The following NFILZ variants were observed in gnomAD, a reference collection of about 807,000 sequenced individuals.
NFILZ encodes the protein NFIL3 like basic leucine zipper.
chr19:8,632,796 C>T (rs1555745690), intron 2 of NFILZ, among the ~76,000 whole-genome samples, 171 bp downstream of exon 2: 1 of 147,974 alleles, frequency 6.8e-6, no homozygotes. Context: ...GATCTTGGCT[C>T]ACTGCAACCT....
In NFILZ at chr19:8,681,013, G is replaced by A. The variant is rs1449534037; in HGVS notation, c.*3378G>A. On this transcript the variant is annotated 3_prime_UTR_variant, in exon 6 of 6. Transcript: ENST00000691075. ...GGTTGTGGAGGACTTTGTGGGCCAA[G>A]GTGAGGACTTTGGCTTCCTTTCTGA... 6.6e-6 allele frequency among the ~76,000 whole-genome samples: 1 copy of A among 152,016 alleles called. No homozygotes were observed. Among genetic ancestry groups the A allele is most frequent in the Non-Finnish European group, 1.5e-5 (1 of 67,994 alleles).
chr19:8,674,644 G>A (rs1555750563), intron 4 of NFILZ, among the ~76,000 whole-genome samples, 44 bp downstream of exon 4: 4 of 151,926 alleles, frequency 2.6e-5, no homozygotes, highest in Admixed American at 6.6e-5. Flanking sequence ...TTTTCTGAGG[G>A]CGCGTCATCT....
intron 2 of NFILZ, among the ~76,000 whole-genome samples, chr19:8,634,891 AAACAAACAAAC>A (rs1209750123): frequency 1.0e-4 from 15 of 148,066 alleles, no homozygotes; most frequent in Admixed American, 4.7e-4. Flanking sequence ...ACAAACAAAC[AAACAAACAAAC>A]AAAAAAACAA....
intron 3 of NFILZ, among the ~76,000 whole-genome samples, chr19:8,667,231 T>C (rs972772347): frequency 6.6e-6 from 1 of 152,168 alleles, no homozygotes; most frequent in Admixed American, 6.5e-5. Context: ...CACAAGTGGC[T>C]CCAGGGCTCA....
intron 3 of NFILZ, among the ~76,000 whole-genome samples, chr19:8,647,526 C>T (rs1343234994): frequency 4.0e-5 from 6 of 151,204 alleles, no homozygotes; most frequent in East Asian, 2.0e-4. Context: ...GAGCCGAGAT[C>T]GCACCACTGC....
intron 3 of NFILZ, among the ~76,000 whole-genome samples, chr19:8,661,167 C>G (rs1600150432): frequency 7.3e-6 from 1 of 137,480 alleles, no homozygotes; most frequent in East Asian, 2.3e-4. Context: ...CTCTCTCTCT[C>G]TCTTTTTTTC....
Position 8,636,971 on chromosome 19 carries a change from G to A in NFILZ, c.-164+1225G>A, listed in dbSNP as rs548755234. Among the ~76,000 whole-genome samples, 31 of 152,262 alleles carry A rather than the reference G, an allele frequency of 2.0e-4. No individual in the cohort carries two copies. The East Asian group carries it at 5.4e-3, about 27-fold the overall frequency. ...GGGGACAGTCAGGGATAGAGCTGGG[G>A]CCAAGGGGAAGATATAGAAGTGCGA... On this transcript the variant is annotated intron_variant, in intron 3 of 5. Transcript: ENST00000691075.
chr19:8,665,594 G>T (rs2043058336), intron 3 of NFILZ, among the ~76,000 whole-genome samples: 1 of 152,136 alleles, frequency 6.6e-6, no homozygotes, highest in Admixed American at 6.5e-5. Context: ...TCTCACCTCA[G>T]CCTCCCAAAG....
intron 3 of NFILZ, among the ~76,000 whole-genome samples, chr19:8,660,824 G>A (rs2043027006): frequency 6.6e-6 from 1 of 151,498 alleles, no homozygotes; most frequent in African/African-American, 2.4e-5. Flanking sequence ...ATTTTTAGTA[G>A]AGACAGGGTT....
At chr19:8,632,275 TCAG>T (rs2042873987) in intron 1 of NFILZ, among the ~76,000 whole-genome samples, 198 bp from the exon 2 acceptor site, 1 of 148,198 alleles carries the variant, frequency 6.7e-6, no homozygotes, top group African/African-American at 2.5e-5. Flanking sequence ...TGTGTGTGTG[TCAG>T]GGGGTTATTT....
intron 3 of NFILZ, among the ~76,000 whole-genome samples, chr19:8,649,867 C>A (rs1300550182): frequency 6.6e-6 from 1 of 152,008 alleles, no homozygotes; most frequent in Admixed American, 6.5e-5. Context: ...GTAATCCCAG[C>A]ACTTTGGGAG....
chr19:8,633,893 T>C (rs1034781986), intron 2 of NFILZ, among the ~76,000 whole-genome samples: 3 of 130,538 alleles, frequency 2.3e-5, no homozygotes, highest in Non-Finnish European at 3.4e-5. Context: ...CTTCCTTCCT[T>C]CCTTCCTTCC....
chr19:8,634,838 C>T (rs938664929), intron 2 of NFILZ, among the ~76,000 whole-genome samples: 1 of 151,934 alleles, frequency 6.6e-6, no homozygotes, highest in Non-Finnish European at 1.5e-5. Flanking sequence ...CAAGATGGCC[C>T]CACTGCACTT....
intron 3 of NFILZ, among the ~76,000 whole-genome samples, chr19:8,640,910 G>A (rs2042916362): frequency 6.6e-6 from 1 of 152,108 alleles, no homozygotes; most frequent in Admixed American, 6.6e-5. Flanking sequence ...GATAGTATTG[G>A]AAAGATGCAT....
At chr19:8,654,828 C>G (rs558735934) in intron 3 of NFILZ, among the ~76,000 whole-genome samples, 41 of 152,262 alleles carry the variant, frequency 2.7e-4, no homozygotes, top group African/African-American at 8.4e-4. Context: ...CAGGACGTCT[C>G]CTTTTCCAAT....
At chr19:8,653,668 G>A (rs944054190) in intron 3 of NFILZ, among the ~76,000 whole-genome samples, 29 of 152,116 alleles carry the variant, frequency 1.9e-4, no homozygotes, top group Admixed American at 1.6e-3. Context: ...AATGTGTTTC[G>A]CAGCAATTTG....
At chr19:8,662,467 C>T (rs977433528) in intron 3 of NFILZ, among the ~76,000 whole-genome samples, 1 of 151,920 alleles carries the variant, frequency 6.6e-6, no homozygotes, top group Non-Finnish European at 1.5e-5. Context: ...TGCAAAGACC[C>T]TGAGGCAGGA....
chr19:8,660,018 G>C (rs538864216), intron 3 of NFILZ, among the ~76,000 whole-genome samples: 1 of 152,148 alleles, frequency 6.6e-6, no homozygotes, highest in Non-Finnish European at 1.5e-5. Context: ...CCAGTCCTGA[G>C]CTACAACACC....
chr19:8,656,499 C>CCCACCTTCTCCCTGA (rs2043003710), intron 3 of NFILZ, among the ~76,000 whole-genome samples: 2 of 32,776 alleles, frequency 6.1e-5, no homozygotes, highest in Admixed American at 3.4e-4. Context: ...CCTTCTCCCG[C>CCCACCTTCTCCCTGA]AGCCCACCTT....
Sources: gnomAD v4.1 joint callset for allele counts (sites outside exome capture counted in the v4.1 genomes callset) on GRCh38, gnomAD v4.1.1 for gene constraint, MANE v1.5 for transcripts, NCBI Gene and HGNC (gene_info 2026-07-23, HGNC 2026-07-21) for gene names.